CACNA2D1: variants seen among roughly 807,000 people sequenced by gnomAD.
CACNA2D1 encodes the protein calcium voltage-gated channel auxiliary subunit alpha2delta 1, also known as voltage-dependent calcium channel subunit alpha-2/delta-1.
Under a neutral mutation model 171.5 loss-of-function variants are expected in CACNA2D1, and 53 were observed. That is an observed-to-expected ratio of 0.31 (90% CI 0.25 to 0.39). The LOEUF is 0.39. Among genes scored for constraint, CACNA2D1 ranks in the 10% least tolerant of loss-of-function variants. The pLI is 1.00. For synonymous variants in CACNA2D1, 442 were observed against 443.1 expected (o/e 1.00, Z 0.03); for missense variants, 903 against 1,299.8 (o/e 0.69, Z 4.69).
chr7:82,362,815 T>C (rs1205865764), intron 1 of CACNA2D1, among the ~76,000 whole-genome samples: 1 of 152,252 alleles, frequency 6.6e-6, no homozygotes, highest in Non-Finnish European at 1.5e-5. Context: ...GAAAACATCA[T>C]GGTCTTTTAG....
chr7:82,149,169 C>T (rs1299095448), intron 4 of CACNA2D1, among the ~76,000 whole-genome samples: 1 of 152,138 alleles, frequency 6.6e-6, no homozygotes, highest in Non-Finnish European at 1.5e-5. Flanking sequence ...AGCTCAATGC[C>T]TGGCCCATCA....
At chr7:82,286,261 G>A (rs1183398134) in intron 3 of CACNA2D1, among the ~76,000 whole-genome samples, 1 of 151,990 alleles carries the variant, frequency 6.6e-6, no homozygotes. Flanking sequence ...CCTTTCTCTG[G>A]GAAGTCTGTT....
At chr7:82,081,906 G>A (rs1429987958) in intron 7 of CACNA2D1, among the ~76,000 whole-genome samples, 3 of 150,918 alleles carry the variant, frequency 2.0e-5, no homozygotes, top group Non-Finnish European at 4.4e-5. Context: ...TCCAAGTGCT[G>A]GCACAGAAGC....
Position 82,007,124 on chromosome 7 carries a change from CAAAA to C in CACNA2D1, c.1440+551_1440+554del, listed in dbSNP as rs540601626. 4.6e-5 allele frequency among the ~76,000 whole-genome samples: 7 copies of C among 151,304 alleles called. No individual in the cohort carries two copies. The East Asian group carries it at 1.4e-3, about 29-fold the overall frequency. ...TTAAATAGGCATTTTACTGCATTGA[CAAAA>C]AACCAGTGCTATAAAAATTAAGCAT... On this transcript the variant is annotated intron_variant, in intron 16 of 38. Coordinates refer to ENST00000356860, the MANE Select transcript of CACNA2D1 (RefSeq NM_000722.4).
chr7:82,161,278 C>T (rs1229516442), intron 4 of CACNA2D1, among the ~76,000 whole-genome samples: 2 of 151,978 alleles, frequency 1.3e-5, no homozygotes, highest in Non-Finnish European at 2.9e-5. Context: ...TCAAAGAGAC[C>T]TCCCTGCCCC....
At chr7:82,406,667 G>T (rs1295838891) in intron 1 of CACNA2D1, among the ~76,000 whole-genome samples, 12 of 152,116 alleles carry the variant, frequency 7.9e-5, no homozygotes. Flanking sequence ...TTTTTCATGT[G>T]TCTGTTGGCT....
At position 82,053,965 on chromosome 7, in the gene CACNA2D1, T is replaced by G. The variant is rs188242857; in HGVS notation, c.879+6463A>C. Among the ~76,000 whole-genome samples, 5 of 152,322 alleles carry G rather than the reference T, an allele frequency of 3.3e-5. No homozygotes were observed. The East Asian group carries it at 9.7e-4, about 29-fold the overall frequency. ...GTCAGTGCATCAGTAAAGTCTGTAT[T>G]AACCTGGTTCACAGAAACCACAAGA... is the stretch of plus-strand genomic sequence containing the variant. On this transcript the variant is annotated intron_variant, in intron 10 of 38. Coordinates refer to ENST00000356860, the MANE Select transcript of CACNA2D1 (RefSeq NM_000722.4).
chr7:82,124,258 GA>G (rs1313910792), intron 5 of CACNA2D1, among the ~76,000 whole-genome samples: 1 of 152,054 alleles, frequency 6.6e-6, no homozygotes, highest in Non-Finnish European at 1.5e-5. Context: ...AAATCAAAAG[GA>G]AAACTCAACT....
intron 3 of CACNA2D1, among the ~76,000 whole-genome samples, chr7:82,321,257 G>A (rs906201618): frequency 3.3e-5 from 5 of 152,094 alleles, no homozygotes; most frequent in African/African-American, 4.8e-5. Flanking sequence ...AAATTAGCCC[G>A]GCATGGTGGT....
intron 23 of CACNA2D1, 159 bp from the exon 24 acceptor site, chr7:81,982,786 C>T (rs777901717): frequency 1.2e-5 from 8 of 692,994 alleles, no homozygotes; most frequent in South Asian, 1.5e-5. Context: ...TATAAATGTC[C>T]TCAATGCTTC....
At chr7:82,366,948 C>T (rs1821807121) in intron 1 of CACNA2D1, among the ~76,000 whole-genome samples, 1 of 132,090 alleles carries the variant, frequency 7.6e-6, no homozygotes, top group African/African-American at 2.7e-5. Flanking sequence ...GCTCTGTCAC[C>T]GAGGCTGGAG....
chr7:82,414,210 T>C (rs1164595616), intron 1 of CACNA2D1, among the ~76,000 whole-genome samples: 1 of 152,196 alleles, frequency 6.6e-6, no homozygotes, highest in Non-Finnish European at 1.5e-5. Context: ...AAAAGATGAA[T>C]AGCCTGATAT....
intron 5 of CACNA2D1, among the ~76,000 whole-genome samples, chr7:82,121,761 T>C (rs1197216164): frequency 9.5e-6 from 1 of 105,378 alleles, no homozygotes; most frequent in African/African-American, 4.6e-5. Flanking sequence ...AATATTGTTC[T>C]TGCAAAAAAA....
chr7:82,040,558 A>G (rs1212588403), intron 10 of CACNA2D1, among the ~76,000 whole-genome samples: 1 of 152,052 alleles, frequency 6.6e-6, no homozygotes, highest in Non-Finnish European at 1.5e-5. Context: ...CCCTGAGAAA[A>G]CTAAGTAAGA....
intron 6 of CACNA2D1, among the ~76,000 whole-genome samples, chr7:82,111,364 G>GTA (rs1319046527): frequency 1.6e-4 from 17 of 105,472 alleles, no homozygotes; most frequent in Non-Finnish European, 2.6e-4. Context: ...GTGTATATAT[G>GTA]TATATATATA....
intron 10 of CACNA2D1, among the ~76,000 whole-genome samples, chr7:82,046,308 C>T (rs7788322): frequency 0.018 from 2,798 of 152,224 alleles, 93 homozygotes; most frequent in African/African-American, 0.062. Flanking sequence ...AAGGTATGGT[C>T]ACCCTCTCAC....
intron 8 of CACNA2D1, among the ~76,000 whole-genome samples, chr7:82,065,643 G>A (rs568187918): frequency 6.6e-6 from 1 of 152,258 alleles, no homozygotes; most frequent in South Asian, 2.1e-4. Flanking sequence ...TTATGCTCTT[G>A]CAATTTGTCT....
At chr7:81,995,728 G>T (rs540528561) in intron 19 of CACNA2D1, among the ~76,000 whole-genome samples, 1 of 151,412 alleles carries the variant, frequency 6.6e-6, no homozygotes, top group Admixed American at 6.6e-5. Flanking sequence ...GAACCCAGGA[G>T]GTGGAGGTTG....
At chr7:81,968,585 T>C (rs549557127) in intron 29 of CACNA2D1, among the ~76,000 whole-genome samples, 103 of 151,314 alleles carry the variant, frequency 6.8e-4, no homozygotes, top group African/African-American at 2.5e-3. Context: ...CTTCTGGAGG[T>C]GGGTTGCTAA....
Sources: gnomAD v4.1 joint callset for allele counts (sites outside exome capture counted in the v4.1 genomes callset) on GRCh38, gnomAD v4.1.1 for gene constraint, MANE v1.5 for transcripts, NCBI Gene and HGNC (gene_info 2026-07-23, HGNC 2026-07-21) for gene names.